Variants in NBAS observed in about 807,000 individuals in gnomAD.
NBAS encodes the protein NBAS subunit of NRZ tethering complex.
Under a neutral mutation model 302.5 loss-of-function variants are expected in NBAS, and 219 were observed. The observed-to-expected ratio is 0.72, with a 90% CI of 0.65 to 0.81. The LOEUF (loss-of-function observed/expected upper bound fraction) is 0.81, where lower values mean the gene tolerates loss of function less well. NBAS is among the 30% of genes least tolerant of loss of function. The pLI is 0.00. For synonymous variants in NBAS, 1,118 were observed against 1,021.6 expected (o/e 1.09, Z -1.80); for missense variants, 2,932 against 2,841.6 (o/e 1.03, Z -0.72).
At chr2:15,339,924 GAA>G (rs529287712) in intron 35 of NBAS, among the ~76,000 whole-genome samples, 13 of 136,946 alleles carry the variant, frequency 9.5e-5, no homozygotes, top group Middle Eastern at 3.7e-3. Context: ...TGGCAAAAAG[GAA>G]AAAAAAAAAA....
At chr2:14,951,876 C>G in the NBAS span, among the ~76,000 whole-genome samples, 2 of 152,148 alleles carry the variant, frequency 1.3e-5, no homozygotes, top group Non-Finnish European at 2.9e-5. Context: ...ATTGTCTGAC[C>G]ACAAAGCCTT....
intron 21 of NBAS, among the ~76,000 whole-genome samples, chr2:15,450,103 C>T (rs1301521863): frequency 2.6e-5 from 4 of 151,952 alleles, no homozygotes; most frequent in Non-Finnish European, 4.4e-5. Flanking sequence ...TAGGGTAGAA[C>T]TAGAATACCA....
chr2:15,195,717 A>C (rs1351139543), intron 48 of NBAS, among the ~76,000 whole-genome samples: 1 of 152,204 alleles, frequency 6.6e-6, no homozygotes. Context: ...GCTGGTGATC[A>C]GCAGCTTCCT....
At chr2:15,152,283 G>A in the NBAS span, among the ~76,000 whole-genome samples, 13 of 152,348 alleles carry the variant, frequency 8.5e-5, no homozygotes, top group Admixed American at 5.9e-4. Flanking sequence ...TTATGATGGT[G>A]GCAGAGTGGC....
At chr2:15,365,696 T>C (rs781315805) in intron 32 of NBAS, among the ~76,000 whole-genome samples, 3 of 152,142 alleles carry the variant, frequency 2.0e-5, no homozygotes, top group African/African-American at 4.8e-5. Context: ...AAAGGATAAA[T>C]GACACACACG....
At chr2:14,784,435 G>T in the NBAS span, among the ~76,000 whole-genome samples, 3 of 152,144 alleles carry the variant, frequency 2.0e-5, no homozygotes, top group South Asian at 2.1e-4. Flanking sequence ...TTCTTCTAGG[G>T]TTTTTATGGT....
chr2:15,252,217 C>T (rs1489839825), intron 44 of NBAS, among the ~76,000 whole-genome samples: 3 of 152,026 alleles, frequency 2.0e-5, no homozygotes, highest in Non-Finnish European at 2.9e-5. Flanking sequence ...ATGAACATAG[C>T]GCCGGGCACA....
In NBAS at chr2:15,275,578, T is replaced by A; in HGVS notation, c.5630A>T (p.Tyr1877Phe). Reference protein sequence around the residue: ...PGSSPEWLHAYDVCMKYFDRL... With the variant: ...PGSSPEWLHAFDVCMKYFDRL... Reference sequence around the variant, plus strand: ...ATCAAAGTACTTCATGCAGACATCATAGGCATGAAGCCACTCCGGTGAAGA... The same window carrying A: ...ATCAAAGTACTTCATGCAGACATCAAAGGCATGAAGCCACTCCGGTGAAGA... The change falls in exon 44 of 52, where the codon TAT becomes TTT. Residue 1877 changes from tyrosine to phenylalanine, a missense_variant. Coordinates refer to ENST00000281513, the MANE Select transcript of NBAS (RefSeq NM_015909.4). The A allele has an allele frequency of 6.2e-7, 1 of 1,614,146 alleles. No homozygotes were observed.
At chr2:15,484,786 G>C (rs969897898) in intron 12 of NBAS, among the ~76,000 whole-genome samples, 1 of 152,084 alleles carries the variant, frequency 6.6e-6, no homozygotes, top group African/African-American at 2.4e-5. Flanking sequence ...CTATGACACT[G>C]TATTCCCTAC....
At chr2:15,398,088 G>C (rs1486527299) in intron 26 of NBAS, among the ~76,000 whole-genome samples, 1 of 150,748 alleles carries the variant, frequency 6.6e-6, no homozygotes, top group African/African-American at 2.5e-5. Flanking sequence ...TACTCAGTCA[G>C]CCGTGTGTGT....
chr2:15,001,550 A>C, the NBAS span, among the ~76,000 whole-genome samples: 1 of 152,210 alleles, frequency 6.6e-6, no homozygotes, highest in African/African-American at 2.4e-5. Context: ...AATAGTTATA[A>C]TGCTACAACA....
chr2:15,417,743 A>AAC lies in NBAS; in HGVS notation c.2578-32_2578-31insGT, dbSNP rs747651023. 3.8e-6 allele frequency: 6 copies of AAC among 1,590,040 alleles called. No homozygotes were observed. The Admixed American group carries it at 1.0e-4, about 27-fold the overall frequency. On this transcript the variant is annotated intron_variant, in intron 23 of 51. Coordinates refer to ENST00000281513, the MANE Select transcript of NBAS (RefSeq NM_015909.4). ...ATTGAAAAGCAACAATAAGTTCCTG[A>AAC]GTATTATATATTTCTCATCTATTCT...
the NBAS span, among the ~76,000 whole-genome samples, chr2:14,880,468 T>A: frequency 2.6e-5 from 4 of 151,926 alleles, no homozygotes; most frequent in African/African-American, 9.6e-5. Context: ...TAATTAGAAA[T>A]TCAAAATGGA....
chr2:15,175,042 A>C (rs1239610422), intron 51 of NBAS, among the ~76,000 whole-genome samples: 1 of 152,094 alleles, frequency 6.6e-6, no homozygotes, highest in Non-Finnish European at 1.5e-5. Flanking sequence ...ATCTCAGCTC[A>C]CTGCAGCTCC....
chr2:15,474,288 C>G lies in NBAS; in HGVS notation c.1378G>C (p.Glu460Gln). ...IKLAPKRSRL[E>Q]TRAGEEDEGE... is the part of the protein sequence containing the mutation. ...TCATCTTCTTCTCCAGCTCTAGTCTCCAAACGAGATCGTTTGGGGGCAAGT... is the reference window on the plus strand; with the variant it reads ...TCATCTTCTTCTCCAGCTCTAGTCTGCAAACGAGATCGTTTGGGGGCAAGT... Residue 460 changes from glutamate (E) to glutamine (Q), a missense_variant, in exon 15 of 52, where the codon GAG becomes CAG. By Grantham distance (29) the Glu-to-Gln change is conservative. Transcript: ENST00000281513. 1 of 1,613,768 alleles carries G rather than the reference C, an allele frequency of 6.2e-7. No individual in the cohort carries two copies. Among genetic ancestry groups the G allele is most frequent in the African/African-American group, 1.3e-5 (1 of 75,018 alleles).
the NBAS span, among the ~76,000 whole-genome samples, chr2:14,835,249 A>C: frequency 6.6e-6 from 1 of 152,034 alleles, no homozygotes; most frequent in Non-Finnish European, 1.5e-5. Flanking sequence ...GTGTCCATTA[A>C]ACACATAGAT....
intron 45 of NBAS, among the ~76,000 whole-genome samples, chr2:15,235,069 T>C (rs1048728317): frequency 6.6e-6 from 1 of 152,194 alleles, no homozygotes; most frequent in Non-Finnish European, 1.5e-5. Context: ...AATGGTCAGT[T>C]CTTTAGCACT....
At position 15,428,145 on chromosome 2, in the gene NBAS, G is replaced by A. The variant is rs570156703; in HGVS notation, c.2340-351C>T. On this transcript the variant is annotated intron_variant, in intron 21 of 51. Transcript: ENST00000281513. ...TGGTCTTCTGGATTGTAAGCTGTTG[G>A]GGCAGAGTAGTGCTTTCAACAGAAC... is the stretch of plus-strand genomic sequence containing the variant. Among the ~76,000 whole-genome samples the A allele has an allele frequency of 1.4e-4, 21 of 152,236 alleles. 1 individual carries two copies. In the East Asian group the frequency reaches 2.7e-3, roughly 20 times the overall value.
chr2:14,998,872 A>G, the NBAS span, among the ~76,000 whole-genome samples: 1 of 152,222 alleles, frequency 6.6e-6, no homozygotes, highest in Non-Finnish European at 1.5e-5. Flanking sequence ...TTTCATTTCC[A>G]ATGAGCAGGC....
Sources: gnomAD v4.1 joint callset for allele counts (sites outside exome capture counted in the v4.1 genomes callset) on GRCh38, gnomAD v4.1.1 for gene constraint, MANE v1.5 for transcripts, NCBI Gene and HGNC (gene_info 2026-07-23, HGNC 2026-07-21) for gene names.